MAD1L1: variants seen among roughly 807,000 people sequenced by gnomAD.
MAD1L1 encodes mitotic spindle assembly checkpoint protein MAD1.
Under a neutral mutation model 96.9 loss-of-function variants are expected in MAD1L1, and 95 were observed. That is an observed-to-expected ratio of 0.98 (90% confidence interval 0.83 to 1.16). The LOEUF (loss-of-function observed/expected upper bound fraction) is 1.16, where lower values mean the gene tolerates loss of function less well. MAD1L1 is among the 50% of genes most tolerant of loss of function. The pLI is 0.00. For synonymous variants in MAD1L1, 473 were observed against 396.6 expected (o/e 1.19, Z -2.29); for missense variants, 1,007 against 954.4 (o/e 1.06, Z -0.73).
intron 15 of MAD1L1, among the ~76,000 whole-genome samples, chr7:1,959,524 A>G (rs1220544211): frequency 6.6e-6 from 1 of 152,208 alleles, no homozygotes; most frequent in African/African-American, 2.4e-5. Context: ...CCCAGAGCAC[A>G]TCAGGACAAG....
In MAD1L1 at chr7:1,816,098, T is replaced by G; in HGVS notation, c.2129A>C (p.Glu710Ala). ...IPAFLSSLTL[E>A]LFSRQTVA ...CGCCACGGTCTGGCGGCTGAAGAGCTCGAGGGTGAGCGAGCTGAGGAAGGC... is the reference window on the plus strand; with the variant it reads ...CGCCACGGTCTGGCGGCTGAAGAGCGCGAGGGTGAGCGAGCTGAGGAAGGC... Residue 710 changes from glutamate to alanine, a missense_variant, in exon 19 of 19, where the codon GAG (glutamate) becomes GCG (alanine). Physicochemically the swap from Glu to Ala is moderately radical, Grantham distance 107. Transcript: ENST00000265854. The G allele has an allele frequency of 6.2e-7, 1 of 1,612,120 alleles. No individual in the cohort carries two copies. The highest frequency in any genetic ancestry group is 8.5e-7 in the Non-Finnish European group (1 of 1,179,588).
intron 10 of MAD1L1, among the ~76,000 whole-genome samples, chr7:2,154,487 G>A (rs533332337): frequency 6.6e-6 from 1 of 152,164 alleles, no homozygotes; most frequent in Non-Finnish European, 1.5e-5. Flanking sequence ...AAGAGAACCA[G>A]AATTTTTCCC....
chr7:1,964,331 T>G (rs1780071354), intron 15 of MAD1L1, among the ~76,000 whole-genome samples: 2 of 152,206 alleles, frequency 1.3e-5, no homozygotes. Flanking sequence ...TTTCAAGGGC[T>G]GAATTGGAAT....
chr7:2,059,847 G>A (rs1202359766), intron 12 of MAD1L1, among the ~76,000 whole-genome samples: 1 of 152,132 alleles, frequency 6.6e-6, no homozygotes, highest in Admixed American at 6.5e-5. Context: ...CACAGGCCAG[G>A]AACACATACA....
At chr7:1,926,614 G>T (rs553089844) in intron 17 of MAD1L1, among the ~76,000 whole-genome samples, 31 of 152,052 alleles carry the variant, frequency 2.0e-4, no homozygotes, top group Non-Finnish European at 8.8e-5. Context: ...TCACACTAAC[G>T]GTGTAAGGGA....
chr7:1,863,966 T>C (rs1178655213), intron 18 of MAD1L1, among the ~76,000 whole-genome samples: 1 of 151,230 alleles, frequency 6.6e-6, no homozygotes, highest in African/African-American at 2.4e-5. Flanking sequence ...CACGCACCTG[T>C]AATCCCAGCT....
intron 18 of MAD1L1, among the ~76,000 whole-genome samples, chr7:1,827,799 G>A (rs1782504911): frequency 1.3e-5 from 2 of 151,592 alleles, no homozygotes; most frequent in South Asian, 2.1e-4. Flanking sequence ...AGCCCGTCCC[G>A]GGTGTGGGGT....
chr7:2,058,999 G>A (rs1784510067), intron 12 of MAD1L1, among the ~76,000 whole-genome samples: 1 of 125,898 alleles, frequency 7.9e-6, no homozygotes, highest in Non-Finnish European at 1.7e-5. Flanking sequence ...CAGGGCTGGA[G>A]AGGGAGTGTG....
At chr7:2,033,154 G>A (rs1783308045) in intron 12 of MAD1L1, among the ~76,000 whole-genome samples, 1 of 152,252 alleles carries the variant, frequency 6.6e-6, no homozygotes, top group Non-Finnish European at 1.5e-5. Flanking sequence ...GGCACCACGT[G>A]CCAGGCCCTG....
At position 2,066,661 on chromosome 7, in the gene MAD1L1, C is replaced by T. The variant is rs574093391; in HGVS notation, c.1218+2533G>A. 9.8e-4 allele frequency among the ~76,000 whole-genome samples: 150 copies of T among 152,290 alleles called. 1 individual carries two copies. Among genetic ancestry groups the T allele is most frequent in the Non-Finnish European group, 1.5e-3 (102 of 68,016 alleles). ...CAAAGAGCAACGGCAGGAAGGAAGC[C>T]GGGCACAGACTTCCCAGAAGGCTGC... On this transcript the variant is annotated intron_variant, in intron 12 of 18. Coordinates refer to ENST00000265854, the MANE Select transcript of MAD1L1 (RefSeq NM_001013836.2).
In MAD1L1 at chr7:2,232,935, T is replaced by C. The variant is rs1373726914; in HGVS notation, c.-253A>G. 6.6e-6 allele frequency: 1 copy of C among 152,184 alleles called. No individual in the cohort carries two copies. Among genetic ancestry groups the C allele is most frequent in the Non-Finnish European group, 1.5e-5 (1 of 68,040 alleles). 9.4% of individuals were successfully genotyped at this position (152,184 alleles called of 1,614,324 possible). ...TCTCCCTCCGCTCCGCCGGCGCCCA[T>C]TTATCGCGACACTTGCGCCTGCGCT... On this transcript the variant is annotated 5_prime_UTR_variant, in exon 1 of 19. An upstream start codon of the reference 5' UTR is lost. Transcript: ENST00000265854.
intron 11 of MAD1L1, among the ~76,000 whole-genome samples, chr7:2,121,212 C>G (rs573355289): frequency 6.6e-6 from 1 of 152,374 alleles, no homozygotes; most frequent in Non-Finnish European, 1.5e-5. Context: ...CACTGGTGAG[C>G]CCCATTTCCA....
rs185592822 is a variant in MAD1L1 at position 1,997,298 on chromosome 7, T to C, written c.1416+4767A>G. On this transcript the variant is annotated intron_variant, in intron 14 of 18. Coordinates refer to ENST00000265854, the MANE Select transcript of MAD1L1 (RefSeq NM_001013836.2). ...GGAGACGGGACGGGCACTAGGGCCA[T>C]GTCCCAGACCACTGTGGACAGAAGG... Among the ~76,000 whole-genome samples the C allele has an allele frequency of 1.6e-4, 25 of 152,336 alleles. No homozygotes were observed. The East Asian group carries it at 4.4e-3, about 27-fold the overall frequency.
intron 10 of MAD1L1, among the ~76,000 whole-genome samples, chr7:2,152,414 C>T (rs529065113): frequency 8.5e-5 from 13 of 152,330 alleles, no homozygotes; most frequent in Admixed American, 2.6e-4. Context: ...CAGCCTCTTG[C>T]GCTGAAAAAC....
At chr7:1,948,384 C>G (rs1299393486) in intron 16 of MAD1L1, among the ~76,000 whole-genome samples, 5 of 152,162 alleles carry the variant, frequency 3.3e-5, no homozygotes, top group African/African-American at 1.2e-4. Flanking sequence ...AGAGGCTAAG[C>G]GAGGGTTCAC....
intron 18 of MAD1L1, among the ~76,000 whole-genome samples, chr7:1,877,506 T>C (rs531833543): frequency 0.013 from 2,008 of 151,148 alleles, 41 homozygotes; most frequent in African/African-American, 0.046. Flanking sequence ...AAAAAGAATA[T>C]ACGAGACAAA....
chr7:2,044,182 A>G (rs1439093263), intron 12 of MAD1L1, among the ~76,000 whole-genome samples: 1 of 152,250 alleles, frequency 6.6e-6, no homozygotes, highest in African/African-American at 2.4e-5. Flanking sequence ...CAGCTACTAC[A>G]GGTCCTGATC....
intron 10 of MAD1L1, among the ~76,000 whole-genome samples, chr7:2,200,002 C>A (rs887288153): frequency 2.6e-5 from 4 of 152,220 alleles, no homozygotes; most frequent in Non-Finnish European, 4.4e-5. Context: ...TCACAAAGGC[C>A]CGAGGGCAAG....
chr7:2,098,292 G>T (rs917767939), intron 11 of MAD1L1, among the ~76,000 whole-genome samples: 7 of 152,198 alleles, frequency 4.6e-5, no homozygotes, highest in African/African-American at 1.7e-4. Flanking sequence ...CGCAGAAGGC[G>T]CATGGCAAAC....
Sources: gnomAD v4.1 joint callset for allele counts (sites outside exome capture counted in the v4.1 genomes callset) on GRCh38, gnomAD v4.1.1 for gene constraint, MANE v1.5 for transcripts, NCBI Gene and HGNC (gene_info 2026-07-23, HGNC 2026-07-21) for gene names.